The following RIPOR2 variants were observed in gnomAD, a reference collection of about 807,000 sequenced individuals.
RIPOR2 encodes the protein RHO family interacting cell polarization regulator 2, also known as rho family-interacting cell polarization regulator 2.
Under a neutral mutation model 114.5 loss-of-function variants are expected in RIPOR2, and 39 were observed. The ratio of observed to expected loss-of-function variants is 0.34; its 90% confidence interval spans 0.26 to 0.44. RIPOR2 has a LOEUF of 0.44. Among genes scored for constraint, RIPOR2 ranks in the 20% least tolerant of loss-of-function variants. The pLI is 1.00. For synonymous variants in RIPOR2, 445 were observed against 484.4 expected, an observed-to-expected ratio of 0.92 and a Z score of 1.07; for missense variants, 1,007 against 1,255.1, an observed-to-expected ratio of 0.80 and a Z score of 2.99.
At chr6:24,986,878 C>T (rs1774549294) in intron 1 of RIPOR2, among the ~76,000 whole-genome samples, 1 of 151,544 alleles carries the variant, frequency 6.6e-6, no homozygotes, top group South Asian at 2.1e-4. Context: ...TTGTCTTGGG[C>T]CACACATAAA....
At chr6:25,010,449 C>T (rs537848794) in intron 1 of RIPOR2, among the ~76,000 whole-genome samples, 13 of 152,270 alleles carry the variant, frequency 8.5e-5, no homozygotes, top group African/African-American at 2.6e-4. Flanking sequence ...GTACAGCCTG[C>T]GGAACCATGA....
intron 1 of RIPOR2, among the ~76,000 whole-genome samples, chr6:24,964,824 C>T (rs1192835820): frequency 6.6e-6 from 1 of 152,162 alleles, no homozygotes; most frequent in Non-Finnish European, 1.5e-5. Context: ...TTTTATTTTA[C>T]TTGTTCTAGT....
chr6:24,871,901 C>T (rs373866437), intron 4 of RIPOR2, among the ~76,000 whole-genome samples: 14 of 152,312 alleles, frequency 9.2e-5, no homozygotes, highest in African/African-American at 3.4e-4. Flanking sequence ...AGCCCTGACA[C>T]AGGGGTTCCA....
At position 24,882,708 on chromosome 6, in the gene RIPOR2, T is replaced by C. The variant is rs368166531; in HGVS notation, c.62-6891A>G. On this transcript the variant is annotated intron_variant, in intron 1 of 21. Transcript: ENST00000643898. Reference sequence around the variant, plus strand: ...ATTTTCTCTAGCTCTTCCCTTCTCATATAAAGCATAATAATTTGAGCATAT... The same window carrying C: ...ATTTTCTCTAGCTCTTCCCTTCTCACATAAAGCATAATAATTTGAGCATAT... Among the ~76,000 whole-genome samples the C allele has an allele frequency of 2.6e-5, 4 of 152,222 alleles. No individual in the cohort carries two copies. In the South Asian group the frequency reaches 8.3e-4, roughly 31 times the overall value.
intron 7 of RIPOR2, among the ~76,000 whole-genome samples, chr6:24,864,109 C>G (rs931776080): frequency 6.6e-6 from 1 of 152,184 alleles, no homozygotes; most frequent in Non-Finnish European, 1.5e-5. Flanking sequence ...CGAGACCAGC[C>G]TGGCCAACGT....
chr6:25,005,738 T>TATATATATATACATATATAC (rs34572978), intron 1 of RIPOR2, among the ~76,000 whole-genome samples: 1 of 70,700 alleles, frequency 1.4e-5, no homozygotes, highest in African/African-American at 4.1e-5. Context: ...TATATATATA[T>TATATATATATACATATATAC]ATACATTTAC....
At chr6:24,848,853 ATTTAC>A (rs1319845316) in intron 11 of RIPOR2, among the ~76,000 whole-genome samples, 2 of 152,160 alleles carry the variant, frequency 1.3e-5, no homozygotes, top group Admixed American at 1.3e-4. Context: ...AACATGTCAT[ATTTAC>A]TTGGCAATAT....
intron 7 of RIPOR2, among the ~76,000 whole-genome samples, chr6:24,864,229 C>A (rs1764359246): frequency 6.6e-6 from 1 of 152,138 alleles, no homozygotes; most frequent in South Asian, 2.1e-4. Context: ...ACTTGGGAAG[C>A]TGAGGCAGGA....
At chr6:24,881,033 G>A (rs992218671) in intron 1 of RIPOR2, among the ~76,000 whole-genome samples, 2 of 152,134 alleles carry the variant, frequency 1.3e-5, no homozygotes, top group African/African-American at 4.8e-5. Flanking sequence ...CACGAGGTCA[G>A]GAGTTTGAGA....
intron 1 of RIPOR2, among the ~76,000 whole-genome samples, chr6:25,003,992 G>C (rs1399143746): frequency 6.6e-6 from 1 of 152,168 alleles, no homozygotes; most frequent in African/African-American, 2.4e-5. Flanking sequence ...AGCTCTAGTG[G>C]TATTTTATAT....
At chr6:25,023,372 G>A (rs879891124) in intron 1 of RIPOR2, 25 of 784,480 alleles carry the variant, frequency 3.2e-5, no homozygotes, top group Non-Finnish European at 4.2e-5. Flanking sequence ...CATGCTCACC[G>A]GCTCCTCGTT....
In RIPOR2 at chr6:24,843,109, G is replaced by T. The variant is rs1488031787; in HGVS notation, c.1610C>A (p.Thr537Asn). 15 of 1,614,016 alleles carry T rather than the reference G, an allele frequency of 9.3e-6. No homozygotes were observed. The highest frequency in any genetic ancestry group is 1.1e-5 in the Non-Finnish European group (13 of 1,179,894). ...CTGCTTTGTGATGTTTCCTTCCGAA[G>T]TGTCCAGTTCCACAGGCTTGAGCTC... is the stretch of plus-strand genomic sequence containing the variant. ...ASELKPVELDTSEGNITKQLV... is the reference protein window; with the variant it reads ...ASELKPVELDNSEGNITKQLV... Residue 537 changes from threonine (T) to asparagine (N), a missense_variant, in exon 13 of 22, where the codon ACT (threonine) becomes AAT (asparagine). Physicochemically the swap from Thr to Asn is moderately conservative, Grantham distance 65 (BLOSUM62 0). Transcript: ENST00000643898.
At chr6:24,923,943 C>T (rs557950771) in intron 1 of RIPOR2, among the ~76,000 whole-genome samples, 18 of 152,294 alleles carry the variant, frequency 1.2e-4, no homozygotes, top group African/African-American at 2.9e-4. Context: ...TCTTGTAATG[C>T]GTAGCAACCA....
chr6:24,956,285 A>T (rs965107254), intron 1 of RIPOR2, among the ~76,000 whole-genome samples: 1 of 152,180 alleles, frequency 6.6e-6, no homozygotes, highest in Non-Finnish European at 1.5e-5. Flanking sequence ...AATAGATCAT[A>T]AATATTTTTG....
chr6:24,913,908 A>G (rs769167779), intron 1 of RIPOR2, among the ~76,000 whole-genome samples: 2 of 152,156 alleles, frequency 1.3e-5, no homozygotes, highest in African/African-American at 2.4e-5. Flanking sequence ...GGGGGTGGGT[A>G]TCCTCACCCC....
intron 1 of RIPOR2, among the ~76,000 whole-genome samples, chr6:25,041,235 G>C (rs1183496820): frequency 1.3e-5 from 2 of 152,150 alleles, no homozygotes; most frequent in Non-Finnish European, 2.9e-5. Context: ...TCTAAAAACA[G>C]ACACACACAA....
At chr6:24,835,666 C>G (rs1466135178) in intron 15 of RIPOR2, 37 bp downstream of exon 15, 1 of 1,541,902 alleles carries the variant, frequency 6.5e-7, no homozygotes, top group Non-Finnish European at 8.8e-7. Context: ...ATGTAAATCA[C>G]CTGGCATCTC....
At chr6:24,888,298 TC>T (rs1767013565) in intron 1 of RIPOR2, among the ~76,000 whole-genome samples, 1 of 152,178 alleles carries the variant, frequency 6.6e-6, no homozygotes, top group African/African-American at 2.4e-5. Context: ...TATTATCAGC[TC>T]CTTCAGGCAT....
At chr6:24,888,225 T>C (rs1180635703) in intron 1 of RIPOR2, among the ~76,000 whole-genome samples, 1 of 152,156 alleles carries the variant, frequency 6.6e-6, no homozygotes, top group Non-Finnish European at 1.5e-5. Context: ...CCAGGGATCC[T>C]CAATTTTTGA....
Sources: gnomAD v4.1 joint callset for allele counts (sites outside exome capture counted in the v4.1 genomes callset) on GRCh38, gnomAD v4.1.1 for gene constraint, MANE v1.5 for transcripts, NCBI Gene and HGNC (gene_info 2026-07-23, HGNC 2026-07-21) for gene names.